Variants in SORCS2 observed in about 807,000 individuals in gnomAD.
SORCS2 encodes sortilin related VPS10 domain containing receptor 2, also known as VPS10 domain-containing receptor SorCS2.
In SORCS2, 100 loss-of-function variants were observed where a neutral mutation model predicts 141.6. The ratio of observed to expected loss-of-function variants is 0.71; its 90% CI spans 0.60 to 0.83. The LOEUF is 0.83. Among genes scored for constraint, SORCS2 ranks in the 40% least tolerant of loss-of-function variants. The pLI is 0.00. For synonymous variants in SORCS2, 789 were observed against 676.9 expected (o/e 1.17, Z -2.57); for missense variants, 1,646 against 1,560.2 (o/e 1.05, Z -0.93).
chr4:7,206,056 C>T (rs1435591909), intron 1 of SORCS2, among the ~76,000 whole-genome samples: 3 of 151,942 alleles, frequency 2.0e-5, no homozygotes, highest in Non-Finnish European at 4.4e-5. Flanking sequence ...AAAACAAAAA[C>T]AAAAACAAAA....
intron 4 of SORCS2, among the ~76,000 whole-genome samples, chr4:7,639,823 G>A (rs918502470): frequency 6.6e-6 from 1 of 151,150 alleles, no homozygotes; most frequent in East Asian, 1.9e-4. Flanking sequence ...GTGTGAGGGT[G>A]TGTTTTAGTG....
chr4:7,510,705 T>G (rs1327087012), intron 2 of SORCS2, among the ~76,000 whole-genome samples: 1 of 150,208 alleles, frequency 6.7e-6, no homozygotes, highest in African/African-American at 2.4e-5. Flanking sequence ...GGGCGCGGCA[T>G]GTCCAGGAAA....
chr4:7,349,305 C>A (rs928980486), intron 1 of SORCS2, among the ~76,000 whole-genome samples: 1 of 152,182 alleles, frequency 6.6e-6, no homozygotes, highest in Non-Finnish European at 1.5e-5. Flanking sequence ...TGGACGGCTG[C>A]AGGTCAGTCC....
At chr4:7,212,773 C>G (rs60342647) in intron 1 of SORCS2, among the ~76,000 whole-genome samples, 41 of 152,362 alleles carry the variant, frequency 2.7e-4, no homozygotes, top group African/African-American at 9.1e-4. Context: ...AACCCTGCAG[C>G]CAGGGCGAGG....
intron 1 of SORCS2, among the ~76,000 whole-genome samples, chr4:7,346,086 T>C (rs1720641754): frequency 6.6e-6 from 1 of 152,198 alleles, no homozygotes; most frequent in Non-Finnish European, 1.5e-5. Flanking sequence ...GTTATTTCCT[T>C]TCTTCTACTT....
intron 1 of SORCS2, among the ~76,000 whole-genome samples, chr4:7,383,607 T>TA (rs1468069357): frequency 6.6e-6 from 1 of 152,180 alleles, no homozygotes; most frequent in Non-Finnish European, 1.5e-5. Context: ...GGGCACTTTT[T>TA]ATGTCGAAAG....
chr4:7,302,439 C>A (rs570561912), intron 1 of SORCS2, among the ~76,000 whole-genome samples: 1 of 152,210 alleles, frequency 6.6e-6, no homozygotes, highest in African/African-American at 2.4e-5. Context: ...CTTGCCACTT[C>A]GTCTGCCCAG....
At chr4:7,328,127 G>C (rs1719404049) in intron 1 of SORCS2, among the ~76,000 whole-genome samples, 2 of 143,900 alleles carry the variant, frequency 1.4e-5, no homozygotes, top group South Asian at 4.5e-4. Context: ...ACAGGTTCAA[G>C]TTATTCTCCC....
chr4:7,526,584 T>A (rs1380666964), intron 2 of SORCS2, among the ~76,000 whole-genome samples: 2 of 152,174 alleles, frequency 1.3e-5, no homozygotes, highest in Admixed American at 1.3e-4. Context: ...GATACCACAG[T>A]TGGGGGGGCC....
intron 1 of SORCS2, among the ~76,000 whole-genome samples, chr4:7,347,509 C>T (rs1005399455): frequency 6.6e-6 from 1 of 152,214 alleles, no homozygotes; most frequent in African/African-American, 2.4e-5. Flanking sequence ...TAGCTCCTTG[C>T]AGACAAAGAA....
intron 1 of SORCS2, among the ~76,000 whole-genome samples, chr4:7,226,065 G>A (rs570877224): frequency 1.4e-4 from 22 of 152,276 alleles, no homozygotes; most frequent in South Asian, 1.2e-3. Flanking sequence ...ACGTGGCTCC[G>A]GAGGGTCTGG....
chr4:7,554,647 G>T (rs1560382000), intron 3 of SORCS2, among the ~76,000 whole-genome samples: 1 of 152,182 alleles, frequency 6.6e-6, no homozygotes, highest in Non-Finnish European at 1.5e-5. Flanking sequence ...CTTGTGCTCA[G>T]GGCATCTTTG....
At chr4:7,313,288 G>T (rs1222426279) in intron 1 of SORCS2, among the ~76,000 whole-genome samples, 1 of 152,270 alleles carries the variant, frequency 6.6e-6, no homozygotes, top group Non-Finnish European at 1.5e-5. Context: ...CATTCATTCA[G>T]TTGTTAGAAA....
intron 2 of SORCS2, among the ~76,000 whole-genome samples, chr4:7,488,801 C>A (rs1437368652): frequency 6.6e-6 from 1 of 152,222 alleles, no homozygotes; most frequent in Non-Finnish European, 1.5e-5. Flanking sequence ...GTCTTCTGAG[C>A]ACTTGGATGA....
intron 2 of SORCS2, among the ~76,000 whole-genome samples, chr4:7,508,168 A>T (rs1034472786): frequency 2.8e-5 from 4 of 143,816 alleles, no homozygotes; most frequent in Non-Finnish European, 4.5e-5. Flanking sequence ...ATAAGATTGA[A>T]TTTTAATAAA....
chr4:7,276,043 C>T (rs942511300), intron 1 of SORCS2, among the ~76,000 whole-genome samples: 6 of 152,150 alleles, frequency 3.9e-5, no homozygotes, highest in South Asian at 2.1e-4. Flanking sequence ...TAATGCGTAA[C>T]GGGGGCAGTT....
chr4:7,658,036 A>C (rs1233821515), intron 5 of SORCS2, among the ~76,000 whole-genome samples: 3 of 151,638 alleles, frequency 2.0e-5, no homozygotes, highest in Non-Finnish European at 4.4e-5. Context: ...TCTGTGACTG[A>C]GTGAGTGAAT....
At chr4:7,566,242 T>C (rs1010231767) in intron 3 of SORCS2, among the ~76,000 whole-genome samples, 4 of 150,410 alleles carry the variant, frequency 2.7e-5, no homozygotes, top group African/African-American at 7.5e-5. Context: ...AATGTGTTAA[T>C]GGTGATGGTG....
intron 9 of SORCS2, among the ~76,000 whole-genome samples, chr4:7,677,571 C>A (rs1027807602): frequency 6.6e-6 from 1 of 152,198 alleles, no homozygotes; most frequent in African/African-American, 2.4e-5. Flanking sequence ...CCCCCAGTGG[C>A]CCATTGATGC....
Sources: gnomAD v4.1 joint callset for allele counts (sites outside exome capture counted in the v4.1 genomes callset) on GRCh38, gnomAD v4.1.1 for gene constraint, MANE v1.5 for transcripts, NCBI Gene and HGNC (gene_info 2026-07-23, HGNC 2026-07-21) for gene names.